Variants in KLK9 observed in about 807,000 individuals in gnomAD.
KLK9 encodes the protein kallikrein related peptidase 9.
In KLK9, 26 loss-of-function variants were observed where a neutral mutation model predicts 23.3. That is an observed-to-expected ratio of 1.12 (90% confidence interval 0.82 to 1.55). The LOEUF (loss-of-function observed/expected upper bound fraction) is 1.55. Ranked by LOEUF, KLK9 falls within the 40% of genes most tolerant of loss-of-function variation. KLK9 has a pLI of 0.00. For missense variants in KLK9, 346 were observed against 333.7 expected (o/e 1.04, Z -0.29); for synonymous variants, 122 against 128.5 (o/e 0.95, Z 0.34).
chr19:51,004,336 C>A (rs2091247323), intron 3 of KLK9, among the ~76,000 whole-genome samples: 1 of 18,392 alleles, frequency 5.4e-5, no homozygotes. Context: ...AAGACTCCGT[C>A]TCAAAAAAAA....
At position 51,006,974 on chromosome 19, in the gene KLK9, G is replaced by A. The variant is rs545095597; in HGVS notation, c.201-251C>T. On this transcript the variant is annotated intron_variant, in intron 2 of 4. Transcript: ENST00000594211. This position sits in a 1 kb window ranked among gnomAD's most constrained non-coding sequence, Gnocchi z 4.1. Reference sequence around the variant, plus strand: ...TTGTAGCTCTCCCCACAAAGCCCCCGCTCCTAGTCCCAGGCTGAGTGAGCC... The same window carrying A: ...TTGTAGCTCTCCCCACAAAGCCCCCACTCCTAGTCCCAGGCTGAGTGAGCC... Among the ~76,000 whole-genome samples, 42 of 151,824 alleles carry A rather than the reference G, an allele frequency of 2.8e-4. 1 individual carries two copies. The highest frequency in any genetic ancestry group is 4.4e-5 in the Non-Finnish European group (3 of 67,842).
Position 51,002,883 on chromosome 19 carries a change from G to T in KLK9, c.*228C>A, listed in dbSNP as rs1245248448. On this transcript the variant is annotated 3_prime_UTR_variant, in exon 5 of 5. Transcript: ENST00000594211. ...TGGCTGTCGGTGACGTCATAGAGAC[G>T]GGCTCTGAAGGGCGTGTCCCTGCTC... 6.4e-6 allele frequency: 3 copies of T among 469,470 alleles called. No individual in the cohort carries two copies. The highest frequency in any genetic ancestry group is 1.1e-5 in the Non-Finnish European group (3 of 267,904). 29.1% of individuals were successfully genotyped at this position (469,470 alleles called of 1,614,324 possible).
At chr19:51,007,605 C>T (rs193095498) in intron 2 of KLK9, among the ~76,000 whole-genome samples, 15 of 151,968 alleles carry the variant, frequency 9.9e-5, no homozygotes, top group African/African-American at 2.9e-4. Flanking sequence ...GCTTCACTTT[C>T]GGCTGAAATC....
intron 3 of KLK9, among the ~76,000 whole-genome samples, chr19:51,004,973 G>T (rs1422100084): frequency 6.6e-6 from 1 of 152,188 alleles, no homozygotes; most frequent in Non-Finnish European, 1.5e-5. Context: ...CGGGGGCTGT[G>T]CAGGGAGACA....
Position 51,006,034 on chromosome 19 carries a change from G to C in KLK9, c.466+424C>G, listed in dbSNP as rs561180999. Among the ~76,000 whole-genome samples the C allele has an allele frequency of 6.6e-6, 1 of 151,672 alleles. No individual in the cohort carries two copies. The highest frequency in any genetic ancestry group is 1.5e-5 in the Non-Finnish European group (1 of 67,878). The stretch of plus-strand genomic sequence containing the variant: ...AGCTACTTGGGAGGTTGAGGCGAGA[G>C]GATCACTTGAGCCCAGGAGTTCAAA... On this transcript the variant is annotated intron_variant, in intron 3 of 4. Transcript: ENST00000594211. The surrounding 1 kb of genome is among the most constrained non-coding windows in gnomAD (Gnocchi z 4.1).
Position 51,006,569 on chromosome 19 carries a change from T to C in KLK9, c.355A>G (p.Arg119Gly). 6.2e-7 allele frequency: 1 copy of C among 1,613,254 alleles called. No homozygotes were observed. The highest frequency in any genetic ancestry group is 1.1e-5 in the South Asian group (1 of 91,060). Residue 119 changes from arginine (R) to glycine (G), a missense_variant, in exon 3 of 5, where the codon AGG becomes GGG. By Grantham distance (125) the Arg-to-Gly change is moderately radical. Coordinates refer to ENST00000594211, the MANE Select transcript of KLK9 (RefSeq NM_012315.2). This position sits in a 1 kb window ranked among gnomAD's most constrained non-coding sequence, Gnocchi z 4.1. ...NDDIMLIRLPRQARLSPAVQP... is the reference protein window; with the variant it reads ...NDDIMLIRLPGQARLSPAVQP... ...ACAGCAGGACTCAGACGTGCCTGCCTGGGCAGGCGGATCAGCATGATGTCA... is the reference window on the plus strand; with the variant it reads ...ACAGCAGGACTCAGACGTGCCTGCCCGGGCAGGCGGATCAGCATGATGTCA...
rs776092419 is a variant in KLK9 at position 51,006,517 on chromosome 19, C to T, written c.407G>A (p.Cys136Tyr). 5.6e-6 allele frequency: 9 copies of T among 1,613,122 alleles called. No individual in the cohort carries two copies. The African/African-American group carries it at 1.1e-4, about 19-fold the overall frequency. Residue 136 changes from cysteine to tyrosine, a missense_variant, in exon 3 of 5, where the codon TGT becomes TAT. Transcript: ENST00000594211. This position sits in a 1 kb window ranked among gnomAD's most constrained non-coding sequence, Gnocchi z 4.1. Reference sequence around the variant, plus strand: ...GAGACACTGCATGCCTGGGGAGACACAGGTCTGGCTGAGGTTGAGGGGCTG... The same window carrying T: ...GAGACACTGCATGCCTGGGGAGACATAGGTCTGGCTGAGGTTGAGGGGCTG... ...AVQPLNLSQT[C>Y]VSPGMQCLIS... is the part of the protein sequence containing the mutation.
intron 3 of KLK9, among the ~76,000 whole-genome samples, chr19:51,004,045 T>A (rs938858597): frequency 4.0e-5 from 6 of 151,830 alleles, no homozygotes; most frequent in African/African-American, 1.5e-4. Flanking sequence ...GAGGGCCAAG[T>A]AGAGAGAGAG....
intron 4 of KLK9, 103 bp from the exon 5 acceptor site, chr19:51,003,363 C>T (rs1199155505): frequency 7.9e-7 from 1 of 1,270,190 alleles, no homozygotes; most frequent in African/African-American, 1.5e-5. Flanking sequence ...CCTTCCTCCT[C>T]CAACATCCGA....
intron 3 of KLK9, 126 bp from the exon 4 acceptor site, chr19:51,003,966 T>C (rs376668045): frequency 3.6e-5 from 26 of 718,544 alleles, no homozygotes; most frequent in Admixed American, 7.2e-5. Context: ...CTCTCAAAGA[T>C]AGAGACAAGA....
rs2091266137 is a variant in KLK9 at position 51,009,021 on chromosome 19, C to T, written c.200+162G>A. ...ACTTCTCAAATGAGATATTGCTGGT[C>T]TCTAGAATTTTAGGATTTGGGAGGC... On this transcript the variant is annotated intron_variant, in intron 2 of 4. Coordinates refer to ENST00000594211, the MANE Select transcript of KLK9 (RefSeq NM_012315.2). This position sits in a 1 kb window ranked among gnomAD's most constrained non-coding sequence, Gnocchi z 4.8. Among the ~76,000 whole-genome samples the T allele has an allele frequency of 1.3e-5, 2 of 152,222 alleles. No individual in the cohort carries two copies. The highest frequency in any genetic ancestry group is 4.1e-4 in the South Asian group (2 of 4,828).
At chr19:51,003,884 C>A in intron 3 of KLK9, 44 bp from the exon 4 acceptor site, 1 of 1,579,896 alleles carries the variant, frequency 6.3e-7, no homozygotes, top group Non-Finnish European at 8.7e-7. Flanking sequence ...CTGTCTCCAA[C>A]ACACTCAGCA....
chr19:51,002,988 G>A lies in KLK9; in HGVS notation c.*123C>T. The stretch of plus-strand genomic sequence containing the variant: ...CAGGGGCGGAGTCTTAGTGTCCAGA[G>A]GGGAGTCAGGGCAGCTGGAGGTCCA... On this transcript the variant is annotated 3_prime_UTR_variant, in exon 5 of 5. Coordinates refer to ENST00000594211, the MANE Select transcript of KLK9 (RefSeq NM_012315.2). 2 of 1,203,064 alleles carry A rather than the reference G, an allele frequency of 1.7e-6. No individual in the cohort carries two copies. The highest frequency in any genetic ancestry group is 2.3e-6 in the Non-Finnish European group (2 of 869,648). 74.5% of individuals were successfully genotyped at this position (1,203,064 alleles called of 1,614,324 possible).
In KLK9 at chr19:51,006,454, A is replaced by G. The variant is rs745878569; in HGVS notation, c.466+4T>C. 4 of 1,606,778 alleles carry G rather than the reference A, an allele frequency of 2.5e-6. No homozygotes were observed. In the Admixed American group the frequency reaches 5.1e-5, roughly 20 times the overall value. On this transcript the variant is annotated splice_donor_region_variant and intron_variant, in intron 3 of 4. Transcript: ENST00000594211. This position sits in a 1 kb window ranked among gnomAD's most constrained non-coding sequence, Gnocchi z 4.1. ...TTCAGAGAGAGTTCTGGGCCAGGTC[A>G]TACCCTTGGGGCTGGACACGGCCCC...
In KLK9 at chr19:51,003,012, C is replaced by T; in HGVS notation, c.*99G>A. On this transcript the variant is annotated 3_prime_UTR_variant, in exon 5 of 5. Transcript: ENST00000594211. ...AGGGGAGTCAGGGCAGCTGGAGGTC[C>T]AGGGCGGGAACCATTGAGGCTGGGA... The T allele has an allele frequency of 1.4e-6, 2 of 1,408,476 alleles. No homozygotes were observed. Among genetic ancestry groups the T allele is most frequent in the South Asian group, 1.5e-5 (1 of 68,750 alleles). The allele number at this position is 1,408,476 out of a possible 1,614,324, so 87.2% of individuals were successfully genotyped here. A position where few individuals can be genotyped will look rare whatever the true frequency, so the allele number is the denominator to read the frequency against.
intron 3 of KLK9, 34 bp from the exon 4 acceptor site, chr19:51,003,874 CTG>C: frequency 6.2e-7 from 1 of 1,603,422 alleles, no homozygotes; most frequent in Non-Finnish European, 8.5e-7. Context: ...GGATCTGCAA[CTG>C]TCTCCAACAC....
rs1369372199 is a variant in KLK9, at chr19:51,003,002, G to C, written c.*109C>G. Reference sequence around the variant, plus strand: ...TAGTGTCCAGAGGGGAGTCAGGGCAGCTGGAGGTCCAGGGCGGGAACCATT... The same window carrying C: ...TAGTGTCCAGAGGGGAGTCAGGGCACCTGGAGGTCCAGGGCGGGAACCATT... On this transcript the variant is annotated 3_prime_UTR_variant, in exon 5 of 5. Transcript: ENST00000594211. 9.7e-6 allele frequency: 13 copies of C among 1,338,294 alleles called. No homozygotes were observed. The highest frequency in any genetic ancestry group is 1.2e-5 in the Non-Finnish European group (12 of 990,360). The allele number at this position is 1,338,294 out of a possible 1,614,324, so 82.9% of individuals were successfully genotyped here.
intron 4 of KLK9, among the ~76,000 whole-genome samples, chr19:51,003,465 G>A (rs994443814): frequency 6.6e-5 from 10 of 151,982 alleles, no homozygotes; most frequent in African/African-American, 2.4e-4. Context: ...CCTCCTCCCC[G>A]AGGACTCAGA....
Position 51,006,412 on chromosome 19 carries a change from G to A in KLK9, c.466+46C>T, listed in dbSNP as rs969792045. The A allele has an allele frequency of 1.3e-6, 2 of 1,519,026 alleles. No individual in the cohort carries two copies. Among genetic ancestry groups the A allele is most frequent in the African/African-American group, 1.4e-5 (1 of 72,602 alleles). 94.1% of individuals were successfully genotyped at this position (1,519,026 alleles called of 1,614,324 possible). A position where few individuals can be genotyped will look rare whatever the true frequency, so the allele number is the denominator to read the frequency against. ...ACAGAGATGAAAAGGCAGAGACAGA[G>A]GGGTGAGGGAGCAAGTTTCAGAGAG... On this transcript the variant is annotated intron_variant, in intron 3 of 4. Transcript: ENST00000594211. The surrounding 1 kb of genome is among the most constrained non-coding windows in gnomAD (Gnocchi z 4.1).
Sources: allele counts gnomAD v4.1 joint callset (sites outside exome capture counted in the v4.1 genomes callset), GRCh38; gene constraint gnomAD v4.1.1; non-coding constraint Gnocchi (gnomAD v3.1); transcripts MANE v1.5; gene names NCBI Gene and HGNC (gene_info 2026-07-23, HGNC 2026-07-21).